Variants in GNG7 observed in about 807,000 individuals in gnomAD.
GNG7 encodes the protein G protein subunit gamma 7, also known as guanine nucleotide-binding protein G(I)/G(S)/G(O) subunit gamma-7.
Under a neutral mutation model 4.0 loss-of-function variants are expected in GNG7, and 1 was observed. The ratio of observed to expected loss-of-function variants is 0.25; its 90% CI spans 0.09 to 1.18. GNG7 has a LOEUF of 1.18. Among genes scored for constraint, GNG7 ranks in the 50% most tolerant of loss-of-function variants. GNG7 has a pLI of 0.50. For synonymous variants in GNG7, 34 were observed against 36.9 expected (o/e 0.92, Z 0.29); for missense variants, 86 against 91.9 (o/e 0.94, Z 0.26).
At chr19:2,541,781 G>A (rs1028081074) in intron 3 of GNG7, among the ~76,000 whole-genome samples, 7 of 151,582 alleles carry the variant, frequency 4.6e-5, no homozygotes, top group African/African-American at 1.5e-4. Context: ...GGGTGTGGTC[G>A]CACAAGCCTG....
At chr19:2,599,698 A>G (rs1981140811) in intron 2 of GNG7, among the ~76,000 whole-genome samples, 1 of 152,210 alleles carries the variant, frequency 6.6e-6, no homozygotes, top group Non-Finnish European at 1.5e-5. Context: ...GCACTTTGGG[A>G]GACCGAGGCA....
At chr19:2,593,620 T>C (rs1980916679) in intron 2 of GNG7, among the ~76,000 whole-genome samples, 2 of 151,964 alleles carry the variant, frequency 1.3e-5, no homozygotes, top group Admixed American at 1.3e-4. Flanking sequence ...GGCGGCTGCC[T>C]GTAGTCCCAG....
chr19:2,534,520 T>C (rs10414848), intron 3 of GNG7, among the ~76,000 whole-genome samples: 43,837 of 152,148 alleles, frequency 0.29, 7,297 homozygotes, highest in South Asian at 0.38. Context: ...GATGCATGGC[T>C]CCAGGATCAT....
chr19:2,686,976 TCTC>T (rs1422162515), intron 1 of GNG7, among the ~76,000 whole-genome samples: 1 of 151,450 alleles, frequency 6.6e-6, no homozygotes, highest in Non-Finnish European at 1.5e-5. Context: ...ATGGTCTCGA[TCTC>T]CTGACCTCGT....
rs146155053 is a variant in GNG7, at chr19:2,693,415, C to CAA, written c.-135+9229_-135+9230dup. 7.2e-4 allele frequency among the ~76,000 whole-genome samples: 58 copies of CAA among 80,324 alleles called. 2 individuals carry two copies. Among genetic ancestry groups the CAA allele is most frequent in the South Asian group, 2.4e-3 (7 of 2,962 alleles). The allele number at this position is 80,324 out of a possible 152,430, so 52.7% of individuals were successfully genotyped here. A position where few individuals can be genotyped will look rare whatever the true frequency, so the allele number is the denominator to read the frequency against. Reference sequence around the variant, plus strand: ...TGGGTGACAGAGCGAGACTCTGCCTCAAAAAAAAAAAAAAAGAAAGAAAGA... The same window carrying CAA: ...TGGGTGACAGAGCGAGACTCTGCCTCAAAAAAAAAAAAAAAAAGAAAGAAAGA... On this transcript the variant is annotated intron_variant, in intron 1 of 4. Coordinates refer to ENST00000382159, the MANE Select transcript of GNG7 (RefSeq NM_052847.3).
intron 3 of GNG7, among the ~76,000 whole-genome samples, chr19:2,545,398 A>G (rs1979091372): frequency 6.6e-6 from 1 of 152,082 alleles, no homozygotes; most frequent in African/African-American, 2.4e-5. Context: ...CTGTATTTCC[A>G]GCACTTTGGG....
chr19:2,632,039 T>A (rs1194879576), intron 2 of GNG7: 2 of 152,242 alleles, frequency 1.3e-5, no homozygotes, highest in Non-Finnish European at 2.9e-5. Flanking sequence ...TGACGGCCTG[T>A]TCTGCGGGGA....
intron 3 of GNG7, among the ~76,000 whole-genome samples, chr19:2,528,677 C>T (rs913468866): frequency 6.6e-6 from 1 of 152,118 alleles, no homozygotes; most frequent in African/African-American, 2.4e-5. Context: ...GGAGGGAACT[C>T]GGGAAGGTGG....
chr19:2,599,314 G>A (rs1025468443), intron 2 of GNG7, among the ~76,000 whole-genome samples: 14 of 152,022 alleles, frequency 9.2e-5, no homozygotes, highest in African/African-American at 3.4e-4. Context: ...CATTCCAGCA[G>A]AATAAATACT....
At chr19:2,603,012 C>A (rs572372284) in intron 2 of GNG7, among the ~76,000 whole-genome samples, 1 of 146,310 alleles carries the variant, frequency 6.8e-6, no homozygotes, top group Non-Finnish European at 1.5e-5. Context: ...TTCTTTCTCC[C>A]TTTCCTTTCC....
rs538390440 is a variant in GNG7 at position 2,558,779 on chromosome 19, TTCTC to T, written c.-77-3595_-77-3592del. Among the ~76,000 whole-genome samples, 468 of 151,970 alleles carry T rather than the reference TTCTC, an allele frequency of 3.1e-3. 1 individual carries two copies. Among genetic ancestry groups the T allele is most frequent in the Non-Finnish European group, 5.6e-3 (378 of 67,966 alleles). ...TCTTTCTTTCTTTTTTCTTTCTTTC[TTCTC>T]TCTCTTTCCTTTTTATTTATTTATT... On this transcript the variant is annotated intron_variant, in intron 2 of 4. Transcript: ENST00000382159.
intron 4 of GNG7, among the ~76,000 whole-genome samples, chr19:2,515,431 T>G (rs1972720180): frequency 2.4e-5 from 1 of 41,882 alleles, no homozygotes; most frequent in Non-Finnish European, 4.2e-5. Context: ...TCCCATTTCT[T>G]TCTTTTTTTT....
intron 3 of GNG7, among the ~76,000 whole-genome samples, chr19:2,535,288 A>G (rs1439350246): frequency 2.0e-5 from 3 of 150,236 alleles, no homozygotes; most frequent in Non-Finnish European, 3.0e-5. Flanking sequence ...CAAGAGTTCG[A>G]GACCAGCCTG....
chr19:2,613,285 A>T (rs976271070), intron 2 of GNG7, among the ~76,000 whole-genome samples: 4 of 152,206 alleles, frequency 2.6e-5, no homozygotes, highest in Admixed American at 6.5e-5. Context: ...GAATTAACAC[A>T]TAGGGGGGCT....
chr19:2,699,716 G>T (rs1913354768), intron 1 of GNG7, among the ~76,000 whole-genome samples: 1 of 152,234 alleles, frequency 6.6e-6, no homozygotes, highest in Admixed American at 6.5e-5. Context: ...AGCTCCTGGT[G>T]TGGAGTGGGT....
rs1259504202 is a variant in GNG7 at position 2,626,873 on chromosome 19, C to T, written c.-78+19351G>A. Among the ~76,000 whole-genome samples, 11 of 150,310 alleles carry T rather than the reference C, an allele frequency of 7.3e-5. No homozygotes were observed. The highest frequency in any genetic ancestry group is 2.7e-4 in the African/African-American group (11 of 40,870). ...GCTCAGCACCCTGCAGTGCCCAGGA[C>T]GGCCTCACCCCAGAGAACAGTCCAG... On this transcript the variant is annotated intron_variant, in intron 2 of 4. Transcript: ENST00000382159. The surrounding 1 kb of genome is among the most constrained non-coding windows in gnomAD (Gnocchi z 5.0).
intron 2 of GNG7, among the ~76,000 whole-genome samples, chr19:2,572,185 C>T (rs988180111): frequency 2.6e-5 from 4 of 151,746 alleles, no homozygotes; most frequent in African/African-American, 9.7e-5. Context: ...CAACACCAGG[C>T]TAATTTTTTG....
chr19:2,679,754 C>A (rs927214817), intron 1 of GNG7, among the ~76,000 whole-genome samples: 2 of 152,104 alleles, frequency 1.3e-5, no homozygotes, highest in African/African-American at 4.8e-5. Flanking sequence ...AATTTTCAAC[C>A]CCTTGCATTC....
intron 3 of GNG7, 136 bp from the exon 4 acceptor site, chr19:2,520,861 C>T (rs547244865): frequency 3.3e-5 from 19 of 575,450 alleles, no homozygotes; most frequent in African/African-American, 2.1e-4. Context: ...CAGGGGCCTC[C>T]GTGTACAAAG....
Sources: allele counts gnomAD v4.1 joint callset (sites outside exome capture counted in the v4.1 genomes callset), GRCh38; gene constraint gnomAD v4.1.1; non-coding constraint Gnocchi (gnomAD v3.1); transcripts MANE v1.5; gene names NCBI Gene and HGNC (gene_info 2026-07-23, HGNC 2026-07-21).